The following ALDOB variants were observed in gnomAD, a reference collection of about 807,000 sequenced individuals.
ALDOB encodes aldolase, fructose-bisphosphate B, also known as fructose-bisphosphate aldolase B.
In ALDOB, 39 loss-of-function variants were observed where a neutral mutation model predicts 41.0. That is an observed-to-expected ratio of 0.95 (90% confidence interval 0.74 to 1.24). The LOEUF is 1.24. Among genes scored for constraint, ALDOB ranks in the 50% most tolerant of loss-of-function variants. The pLI, the probability that ALDOB is intolerant of heterozygous loss-of-function variation, is 0.00. For missense variants in ALDOB, 530 were observed against 457.3 expected (o/e 1.16, Z -1.45); for synonymous variants, 175 against 168.8 (o/e 1.04, Z -0.28).
intron 1 of ALDOB, among the ~76,000 whole-genome samples, chr9:101,431,733 C>T (rs1203780596): frequency 6.6e-6 from 1 of 152,184 alleles, no homozygotes; most frequent in Non-Finnish European, 1.5e-5. Context: ...AGAGCCCTCA[C>T]TTTGGGTGTT....
intron 5 of ALDOB, 76 bp downstream of exon 5, chr9:101,427,406 A>T: frequency 6.4e-7 from 1 of 1,553,572 alleles, no homozygotes. Context: ...ATTTGTAGTT[A>T]TAGTATAATT....
In ALDOB at chr9:101,421,600, G is replaced by A. The variant is rs1038724691; in HGVS notation, c.*209C>T. On this transcript the variant is annotated 3_prime_UTR_variant, in exon 9 of 9. Coordinates refer to ENST00000647789, the MANE Select transcript of ALDOB (RefSeq NM_000035.4). ...GAGCTGAAAGTGTTGCAAGGAAACT[G>A]CTGTGTGAAATTTGATCAGGTCCTT... is the stretch of plus-strand genomic sequence containing the variant. 5.6e-5 allele frequency: 35 copies of A among 628,354 alleles called. No homozygotes were observed. Among genetic ancestry groups the A allele is most frequent in the Non-Finnish European group, 9.9e-5 (34 of 342,248 alleles). The allele number at this position is 628,354 out of a possible 1,614,324, so 38.9% of individuals were successfully genotyped here. A position where few individuals can be genotyped will look rare whatever the true frequency, so the allele number is the denominator to read the frequency against.
chr9:101,425,030 A>G lies in ALDOB; in HGVS notation c.812T>C (p.Leu271Ser), dbSNP rs2118343224. 6.2e-7 allele frequency: 1 copy of G among 1,614,240 alleles called. No homozygotes were observed. Among genetic ancestry groups the G allele is most frequent in the Non-Finnish European group, 8.5e-7 (1 of 1,180,040 alleles). Residue 271 changes from leucine to serine, a missense_variant, in exon 8 of 9, where the codon TTG becomes TCG. By Grantham distance (145) the Leu-to-Ser change is moderately radical. Transcript: ENST00000647789. ...VPAAVPGICF[L>S]SGGMSEEDAT... ...ATCCTCTTCACTCATGCCACCAGAC[A>G]AAAAGCAGATGCCTGGTAGGAGAGA...
intron 1 of ALDOB, among the ~76,000 whole-genome samples, chr9:101,433,624 T>C (rs868106974): frequency 2.6e-5 from 4 of 152,230 alleles, no homozygotes; most frequent in African/African-American, 9.6e-5. Context: ...GTATGCAATA[T>C]ATACTGTCCT....
chr9:101,424,767 C>G, intron 8 of ALDOB, 76 bp downstream of exon 8: 1 of 1,564,848 alleles, frequency 6.4e-7, no homozygotes, highest in Non-Finnish European at 8.8e-7. Flanking sequence ...CCAAAGAAAA[C>G]AATGCTTCTC....
chr9:101,422,365 G>A (rs773788293), intron 8 of ALDOB, among the ~76,000 whole-genome samples: 1 of 152,178 alleles, frequency 6.6e-6, no homozygotes, highest in Non-Finnish European at 1.5e-5. Flanking sequence ...TCAGAATTAT[G>A]AAACTTACGA....
chr9:101,430,845 C>T lies in ALDOB; in HGVS notation c.43G>A (p.Glu15Lys). 7.4e-6 allele frequency: 12 copies of T among 1,614,156 alleles called. No individual in the cohort carries two copies. Among genetic ancestry groups the T allele is most frequent in the Non-Finnish European group, 9.3e-6 (11 of 1,180,028 alleles). ...ATGCTCTGGGCAATTTCTGAGAGCT[C>T]CTTCTTCTGCTCCTGGGTGAGGGCT... ...FPALTQEQKK[E>K]LSEIAQSIVA... is the part of the protein sequence containing the mutation. The change falls in exon 2 of 9, where the codon GAG becomes AAG. Residue 15 changes from glutamate (E) to lysine (K), a missense_variant. Physicochemically the swap from Glu to Lys is moderately conservative, Grantham distance 56 (BLOSUM62 1). Coordinates refer to ENST00000647789, the MANE Select transcript of ALDOB (RefSeq NM_000035.4).
At position 101,429,621 on chromosome 9, in the gene ALDOB, G is replaced by A. The variant is rs190170526; in HGVS notation, c.324+134C>T. 24 of 886,318 alleles carry A rather than the reference G, an allele frequency of 2.7e-5. No homozygotes were observed. In the East Asian group the frequency reaches 5.6e-4, roughly 20 times the overall value. 54.9% of individuals were successfully genotyped at this position (886,318 alleles called of 1,614,324 possible). A position where few individuals can be genotyped will look rare whatever the true frequency, so the allele number is the denominator to read the frequency against. On this transcript the variant is annotated intron_variant, in intron 3 of 8. Coordinates refer to ENST00000647789, the MANE Select transcript of ALDOB (RefSeq NM_000035.4). Reference sequence around the variant, plus strand: ...TAGAAGAGGATCTTGTTCTCTGTGGGAAGATGACGATGGAAAAGGGTGAGA... The same window carrying A: ...TAGAAGAGGATCTTGTTCTCTGTGGAAAGATGACGATGGAAAAGGGTGAGA...
intron 8 of ALDOB, 151 bp from the exon 9 acceptor site, chr9:101,422,055 C>G (rs570858733): frequency 4.2e-6 from 3 of 717,344 alleles, no homozygotes; most frequent in Non-Finnish European, 7.5e-6. Context: ...GATACCATCC[C>G]CTTCTATAAA....
At chr9:101,427,366 A>C in intron 5 of ALDOB, 116 bp downstream of exon 5, 1 of 1,342,108 alleles carries the variant, frequency 7.5e-7, no homozygotes, top group Non-Finnish European at 1.0e-6. Context: ...AAATGCCACT[A>C]GGATATACTG....
Position 101,427,483 on chromosome 9 carries a change from T to C in ALDOB, c.539A>G (p.Gln180Arg). The change falls in exon 5 of 9, where the codon CAG becomes CGG. Residue 180 changes from glutamine (Q) to arginine (R), a missense_variant and splice_region_variant. By Grantham distance (43) the Gln-to-Arg change is conservative (BLOSUM62 1). Transcript: ENST00000647789. Reference sequence around the variant, plus strand: ...CAGCCCAAGGGGAAGGCAGAGCACCTGCTGACAGATGCTGGCGTAGCGAGC... The same window carrying C: ...CAGCCCAAGGGGAAGGCAGAGCACCCGCTGACAGATGCTGGCGTAGCGAGC... ...ALARYASICQ[Q>R]NGLVPIVEPE... 6.2e-7 allele frequency: 1 copy of C among 1,614,176 alleles called. No individual in the cohort carries two copies. Among genetic ancestry groups the C allele is most frequent in the Middle Eastern group, 1.6e-4 (1 of 6,062 alleles).
At chr9:101,425,137 A>C in intron 7 of ALDOB, 95 bp from the exon 8 acceptor site, 27 of 1,391,794 alleles carry the variant, frequency 1.9e-5, no homozygotes, top group Non-Finnish European at 2.3e-5. Context: ...GTAATGTCTC[A>C]GTCTTTTCTC....
intron 6 of ALDOB, among the ~76,000 whole-genome samples, 198 bp from the exon 7 acceptor site, chr9:101,425,825 G>C (rs190206611): frequency 1.6e-4 from 24 of 152,298 alleles, no homozygotes; most frequent in Admixed American, 1.2e-3. Flanking sequence ...AAACTGGCCT[G>C]TCTTCATCAC....
chr9:101,431,423 C>T (rs1260985235), intron 1 of ALDOB, among the ~76,000 whole-genome samples: 1 of 152,230 alleles, frequency 6.6e-6, no homozygotes, highest in Admixed American at 6.5e-5. Context: ...TTCCATTTGG[C>T]CTCGGGCTAC....
chr9:101,430,914 G>A lies in ALDOB; in HGVS notation c.-10-17C>T, dbSNP rs182858853. Reference sequence around the variant, plus strand: ...GTGACAGGTCTGGAAAAGAGTGTGCGAGAGTTGTGCACAGAACCATGGGTG... The same window carrying A: ...GTGACAGGTCTGGAAAAGAGTGTGCAAGAGTTGTGCACAGAACCATGGGTG... On this transcript the variant is annotated splice_polypyrimidine_tract_variant and intron_variant, in intron 1 of 8. Coordinates refer to ENST00000647789, the MANE Select transcript of ALDOB (RefSeq NM_000035.4). 3,047 of 1,556,002 alleles carry A rather than the reference G, an allele frequency of 2.0e-3. 4 individuals carry two copies. Among genetic ancestry groups the A allele is most frequent in the Middle Eastern group, 2.9e-3 (17 of 5,960 alleles).
At chr9:101,431,209 G>A (rs945846739) in intron 1 of ALDOB, among the ~76,000 whole-genome samples, 6 of 152,166 alleles carry the variant, frequency 3.9e-5, no homozygotes, top group Non-Finnish European at 8.8e-5. Context: ...ATGACTAATA[G>A]AGGGGACTGC....
chr9:101,429,815 G>C lies in ALDOB; in HGVS notation c.264C>G (p.Asp88Glu). The change falls in exon 3 of 9, where the codon GAC becomes GAG. Residue 88 changes from aspartate (D) to glutamate (E), a missense_variant. Transcript: ENST00000647789. ...ILFHETLYQK[D>E]SQGKLFRNIL... The stretch of plus-strand genomic sequence containing the variant: ...TGTTTCTGAACAGCTTTCCCTGGCT[G>C]TCCTTCTGGTAGAGGGTCTCGTGGA... 2 of 1,614,144 alleles carry C rather than the reference G, an allele frequency of 1.2e-6. No individual in the cohort carries two copies.
chr9:101,427,192 C>A (rs1831142857), intron 5 of ALDOB, among the ~76,000 whole-genome samples: 1 of 152,120 alleles, frequency 6.6e-6, no homozygotes, highest in Non-Finnish European at 1.5e-5. Context: ...CAACCAAGTT[C>A]CCTGCCCTCA....
chr9:101,426,236 CAT>C (rs1204763017), intron 6 of ALDOB, among the ~76,000 whole-genome samples: 2 of 152,162 alleles, frequency 1.3e-5, no homozygotes, highest in Non-Finnish European at 1.5e-5. Context: ...ATTTGAGCCA[CAT>C]GTCTTATTTT....
Sources: allele counts gnomAD v4.1 joint callset (sites outside exome capture counted in the v4.1 genomes callset), GRCh38; gene constraint gnomAD v4.1.1; transcripts MANE v1.5; gene names NCBI Gene and HGNC (gene_info 2026-07-23, HGNC 2026-07-21).